Variants in RUNX1 observed in about 807,000 individuals in gnomAD.
RUNX1 encodes the protein runt-related transcription factor 1.
A neutral mutation model predicts 42.8 loss-of-function variants in RUNX1; 19 were observed. The observed-to-expected ratio is 0.44, with a 90% CI of 0.31 to 0.65. RUNX1 has a LOEUF of 0.65. Among genes scored for constraint, RUNX1 ranks in the 30% least tolerant of loss-of-function variants. The probability of loss-of-function intolerance (pLI) is 0.07; values close to 1 mark genes in which losing one functional copy is unlikely to be tolerated. For synonymous variants in RUNX1, 271 were observed against 289.4 expected (o/e 0.94, Z 0.64); for missense variants, 528 against 672.0 (o/e 0.79, Z 2.37).
intron 2 of RUNX1, among the ~76,000 whole-genome samples, chr21:34,894,094 ATAAGG>A (rs1466643170): frequency 2.0e-5 from 3 of 152,210 alleles, no homozygotes. Context: ...ATTGTGAATG[ATAAGG>A]TAAGAAATAA....
chr21:34,885,734 G>T (rs960653744), intron 4 of RUNX1, among the ~76,000 whole-genome samples: 15 of 152,138 alleles, frequency 9.9e-5, no homozygotes, highest in African/African-American at 3.6e-4. Context: ...TCCCTTTAAA[G>T]GGGACAATTA....
At chr21:34,842,722 C>T (rs2057258110) in intron 6 of RUNX1, among the ~76,000 whole-genome samples, 1 of 151,746 alleles carries the variant, frequency 6.6e-6, no homozygotes, top group Non-Finnish European at 1.5e-5. Flanking sequence ...CACATACACA[C>T]ATACAGACAT....
intron 7 of RUNX1, among the ~76,000 whole-genome samples, chr21:34,802,518 C>CA (rs1375983664): frequency 1.3e-5 from 2 of 152,190 alleles, no homozygotes; most frequent in Non-Finnish European, 2.9e-5. Context: ...CTTTTTCATT[C>CA]ACTCATATTT....
intron 5 of RUNX1, among the ~76,000 whole-genome samples, chr21:34,871,948 A>AT (rs1391002131): frequency 6.6e-6 from 1 of 151,368 alleles, no homozygotes; most frequent in Non-Finnish European, 1.5e-5. Context: ...GGTTCAAGCA[A>AT]TTTTCCTGCC....
chr21:34,880,356 C>T (rs1260799325), intron 5 of RUNX1, among the ~76,000 whole-genome samples: 2 of 152,160 alleles, frequency 1.3e-5, no homozygotes, highest in African/African-American at 4.8e-5. Context: ...TAAATCCACT[C>T]AGTAACATAA....
chr21:34,962,971 A>T (rs1464588599), intron 2 of RUNX1, among the ~76,000 whole-genome samples: 2 of 152,184 alleles, frequency 1.3e-5, no homozygotes, highest in Non-Finnish European at 2.9e-5. Context: ...GGAAGGAGGA[A>T]ACACCCTTGC....
chr21:34,798,208 C>T, intron 8 of RUNX1: 1 of 448,836 alleles, frequency 2.2e-6, no homozygotes, highest in Non-Finnish European at 4.5e-6. Context: ...AAGACCCGCC[C>T]CGTTCCCCCA....
intron 3 of RUNX1, chr21:34,889,636 C>T (rs1045721831): frequency 7.3e-6 from 8 of 1,100,358 alleles, no homozygotes; most frequent in African/African-American, 3.4e-5. Context: ...GCTCCTCTCC[C>T]CGCCCCCGTG....
intron 2 of RUNX1, among the ~76,000 whole-genome samples, chr21:35,012,986 G>A (rs2059136313): frequency 6.6e-6 from 1 of 152,074 alleles, no homozygotes; most frequent in Non-Finnish European, 1.5e-5. Context: ...TTCCAATAAG[G>A]CATTATTTAC....
At chr21:35,002,086 T>C (rs59121812) in intron 2 of RUNX1, among the ~76,000 whole-genome samples, 40,488 of 151,906 alleles carry the variant, frequency 0.27, 5,925 homozygotes, top group African/African-American at 0.36. Context: ...AGATTCAGTG[T>C]AATCCCCCAT....
chr21:34,882,582 GTGTT>G (rs2057921062), intron 4 of RUNX1, among the ~76,000 whole-genome samples: 1 of 151,930 alleles, frequency 6.6e-6, no homozygotes, highest in South Asian at 2.1e-4. Flanking sequence ...CATTATAAGT[GTGTT>G]TGTTGCCATT....
At chr21:34,894,119 C>T (rs1450429437) in intron 2 of RUNX1, among the ~76,000 whole-genome samples, 1 of 152,046 alleles carries the variant, frequency 6.6e-6, no homozygotes, top group African/African-American at 2.4e-5. Flanking sequence ...ATAAATGTAT[C>T]CTGAAGTTAC....
chr21:35,023,490 A>G (rs2059213998), intron 2 of RUNX1, among the ~76,000 whole-genome samples: 1 of 152,204 alleles, frequency 6.6e-6, no homozygotes, highest in Non-Finnish European at 1.5e-5. Flanking sequence ...GCTGCAGCTC[A>G]TGGCAGGGGG....
At chr21:35,031,296 C>T (rs902357428) in intron 2 of RUNX1, among the ~76,000 whole-genome samples, 35 of 152,104 alleles carry the variant, frequency 2.3e-4, no homozygotes, top group African/African-American at 1.2e-4. Flanking sequence ...TGCGGTGAGC[C>T]GAGATCGTGC....
chr21:35,049,132 C>T (rs943648968), intron 1 of RUNX1, 36 bp downstream of exon 1: 1 of 503,790 alleles, frequency 2.0e-6, no homozygotes, highest in Non-Finnish European at 3.6e-6. Flanking sequence ...AAAAAAAAAG[C>T]CAGCGCCGCC....
intron 2 of RUNX1, among the ~76,000 whole-genome samples, chr21:34,928,434 C>T (rs1208561739): frequency 6.6e-6 from 1 of 152,146 alleles, no homozygotes; most frequent in Non-Finnish European, 1.5e-5. Context: ...TGGCTCACAC[C>T]TGTAATACAA....
chr21:34,886,532 T>G (rs1302842691), intron 4 of RUNX1, among the ~76,000 whole-genome samples: 5 of 152,254 alleles, frequency 3.3e-5, no homozygotes, highest in African/African-American at 1.2e-4. Flanking sequence ...GGGTTATAAC[T>G]TTTCCTACTT....
intron 6 of RUNX1, among the ~76,000 whole-genome samples, chr21:34,849,463 GTATATATATAATATATAT>G (rs1318184889): frequency 2.0e-4 from 9 of 45,466 alleles, no homozygotes; most frequent in Non-Finnish European, 3.8e-4. Flanking sequence ...ATAATATATA[GTATATATATAATATATAT>G]TATATATATA....
intron 2 of RUNX1, among the ~76,000 whole-genome samples, chr21:34,969,276 C>T (rs2058742907): frequency 6.6e-6 from 1 of 151,994 alleles, no homozygotes; most frequent in African/African-American, 2.4e-5. Flanking sequence ...AGCAAAAATG[C>T]GCATAGAGCA....
Sources: allele counts gnomAD v4.1 joint callset (sites outside exome capture counted in the v4.1 genomes callset), GRCh38; gene constraint gnomAD v4.1.1; transcripts MANE v1.5; gene names NCBI Gene and HGNC (gene_info 2026-07-23, HGNC 2026-07-21).